DYM: variants seen among roughly 807,000 people sequenced by gnomAD.
DYM encodes dyggve-Melchior-Clausen syndrome protein.
Under a neutral mutation model 93.1 loss-of-function variants are expected in DYM, and 78 were observed. The ratio of observed to expected loss-of-function variants is 0.84; its 90% CI spans 0.70 to 1.01. The LOEUF (loss-of-function observed/expected upper bound fraction) is 1.01, where lower values mean the gene tolerates loss of function less well. DYM is among the 50% of genes least tolerant of loss of function. The pLI is 0.00. For missense variants in DYM, 789 were observed against 845.0 expected (o/e 0.93, Z 0.82); for synonymous variants, 321 against 319.7 (o/e 1.00, Z -0.04).
chr18:49,199,406 T>C (rs1211712640), intron 14 of DYM, among the ~76,000 whole-genome samples: 1 of 152,204 alleles, frequency 6.6e-6, no homozygotes, highest in Non-Finnish European at 1.5e-5. Flanking sequence ...TATTACATTT[T>C]CTTACCAACT....
At chr18:49,435,148 C>T (rs979835590) in intron 1 of DYM, among the ~76,000 whole-genome samples, 1 of 140,310 alleles carries the variant, frequency 7.1e-6, no homozygotes, top group Non-Finnish European at 1.5e-5. Flanking sequence ...GCAGAGGTTT[C>T]AGTGAGCCAA....
At chr18:49,082,518 T>G (rs1307875914) in intron 17 of DYM, among the ~76,000 whole-genome samples, 2 of 152,232 alleles carry the variant, frequency 1.3e-5, no homozygotes, top group Admixed American at 6.5e-5. Flanking sequence ...GTGTATTATG[T>G]CAATATGCTA....
chr18:49,185,419 C>T (rs1024289871), intron 14 of DYM, among the ~76,000 whole-genome samples: 1 of 152,084 alleles, frequency 6.6e-6, no homozygotes, highest in Non-Finnish European at 1.5e-5. Context: ...AACTTGTCTA[C>T]TTATGAAAAG....
At chr18:49,344,855 T>C (rs1041659309) in intron 6 of DYM, among the ~76,000 whole-genome samples, 3 of 152,164 alleles carry the variant, frequency 2.0e-5, no homozygotes, top group Non-Finnish European at 4.4e-5. Flanking sequence ...GTATCTACTA[T>C]AAGACAAACT....
chr18:49,150,528 A>T (rs2085698144), intron 15 of DYM, among the ~76,000 whole-genome samples: 1 of 152,242 alleles, frequency 6.6e-6, no homozygotes, highest in Non-Finnish European at 1.5e-5. Context: ...GAGGGGCCTC[A>T]CCAGAACCCA....
intron 15 of DYM, among the ~76,000 whole-genome samples, chr18:49,120,974 C>A (rs2082327842): frequency 6.6e-6 from 1 of 152,102 alleles, no homozygotes; most frequent in Admixed American, 6.6e-5. Flanking sequence ...CCACTGAACC[C>A]AGCCTCTGCC....
chr18:49,421,865 C>G (rs2073752147), intron 2 of DYM, among the ~76,000 whole-genome samples: 1 of 152,150 alleles, frequency 6.6e-6, no homozygotes, highest in African/African-American at 2.4e-5. Flanking sequence ...CATGCACAAG[C>G]TTCAGTAGCC....
chr18:49,083,707 CTTTTT>C (rs2078252040), intron 17 of DYM, among the ~76,000 whole-genome samples: 2 of 152,084 alleles, frequency 1.3e-5, no homozygotes, highest in Admixed American at 1.3e-4. Flanking sequence ...TTTAATATTT[CTTTTT>C]AAGTCAGTTT....
At chr18:49,289,720 T>C (rs1325110607) in intron 8 of DYM, among the ~76,000 whole-genome samples, 4 of 30,104 alleles carry the variant, frequency 1.3e-4, no homozygotes, top group Non-Finnish European at 2.2e-4. Flanking sequence ...CAAATATATA[T>C]ATATGTGTAT....
intron 8 of DYM, among the ~76,000 whole-genome samples, chr18:49,290,645 C>CATAT (rs1284685769): frequency 6.6e-6 from 1 of 151,960 alleles, no homozygotes; most frequent in East Asian, 1.9e-4. Context: ...TCACAAACTA[C>CATAT]ATATATATAG....
At chr18:49,369,394 T>G (rs1478798094) in intron 5 of DYM, among the ~76,000 whole-genome samples, 1 of 152,170 alleles carries the variant, frequency 6.6e-6, no homozygotes, top group Non-Finnish European at 1.5e-5. Flanking sequence ...GACAGAACCT[T>G]GGACAGAACT....
At chr18:49,085,316 A>G (rs746031020) in intron 17 of DYM, among the ~76,000 whole-genome samples, 2 of 152,354 alleles carry the variant, frequency 1.3e-5, no homozygotes, top group Admixed American at 1.3e-4. Context: ...ACTATTTCAT[A>G]TTTTAAATCT....
At chr18:49,340,599 T>TA (rs2064039229) in intron 6 of DYM, among the ~76,000 whole-genome samples, 1 of 152,162 alleles carries the variant, frequency 6.6e-6, no homozygotes, top group African/African-American at 2.4e-5. Flanking sequence ...ATGTGACACA[T>TA]AGCCAAATTC....
At position 49,159,640 on chromosome 18, in the gene DYM, G is replaced by C. The variant is rs772308159; in HGVS notation, c.1728+4045C>G. ...CTCATGCCTGTAATCCTAGCACCTT[G>C]GGAAGACAAGGCAGGACAATCACTT... On this transcript the variant is annotated intron_variant, in intron 15 of 17. Transcript: ENST00000675505. Among the ~76,000 whole-genome samples, 18 of 152,140 alleles carry C rather than the reference G, an allele frequency of 1.2e-4. 1 individual carries two copies. The highest frequency in any genetic ancestry group is 2.5e-4 in the Non-Finnish European group (17 of 68,016).
At chr18:49,143,586 A>AG (rs2144515138) in intron 15 of DYM, among the ~76,000 whole-genome samples, 1 of 152,308 alleles carries the variant, frequency 6.6e-6, no homozygotes, top group African/African-American at 2.4e-5. Context: ...AGTAAGGTCA[A>AG]GGTCACATAA....
chr18:49,223,002 T>C (rs907126136), intron 13 of DYM, among the ~76,000 whole-genome samples: 3 of 152,146 alleles, frequency 2.0e-5, no homozygotes, highest in Admixed American at 6.6e-5. Flanking sequence ...ACATTATGTA[T>C]CTCCTGATAT....
chr18:49,382,580 C>T (rs1489235275), intron 3 of DYM, among the ~76,000 whole-genome samples: 2 of 152,028 alleles, frequency 1.3e-5, no homozygotes, highest in Non-Finnish European at 2.9e-5. Flanking sequence ...ACAGGAGGTC[C>T]GACAGGAAAG....
At chr18:49,080,484 C>T (rs1454489195) in intron 17 of DYM, among the ~76,000 whole-genome samples, 2 of 143,164 alleles carry the variant, frequency 1.4e-5, no homozygotes, top group African/African-American at 5.2e-5. Context: ...CCCTCACCTC[C>T]CGGACGGGGC....
At chr18:49,355,465 A>G (rs2065473529) in intron 6 of DYM, among the ~76,000 whole-genome samples, 1 of 151,996 alleles carries the variant, frequency 6.6e-6, no homozygotes, top group African/African-American at 2.4e-5. Context: ...GACAGATACA[A>G]TAGATATATT....
Sources: allele counts gnomAD v4.1 joint callset (sites outside exome capture counted in the v4.1 genomes callset), GRCh38; gene constraint gnomAD v4.1.1; transcripts MANE v1.5; gene names NCBI Gene and HGNC (gene_info 2026-07-23, HGNC 2026-07-21).